The following NRXN1 variants were observed in gnomAD, a reference collection of about 807,000 sequenced individuals.
NRXN1 encodes neurexin 1, also known as neurexin-1.
Under a neutral mutation model 150.9 loss-of-function variants are expected in NRXN1, and 39 were observed. The observed-to-expected ratio is 0.26, with a 90% CI of 0.20 to 0.34. NRXN1 has a LOEUF of 0.34. Ranked by LOEUF, NRXN1 falls within the 10% of genes least tolerant of loss-of-function variation. NRXN1 has a pLI of 1.00. For missense variants in NRXN1, 1,815 were observed against 1,949.9 expected (o/e 0.93, Z 1.30); for synonymous variants, 924 against 757.0 (o/e 1.22, Z -3.62).
At chr2:50,538,796 A>G (rs1432137864) in intron 9 of NRXN1, among the ~76,000 whole-genome samples, 160 bp from the exon 10 acceptor site, 1 of 149,018 alleles carries the variant, frequency 6.7e-6, no homozygotes, top group African/African-American at 2.5e-5. Context: ...AGAAATTAAG[A>G]TATCTGTGGT....
intron 5 of NRXN1, among the ~76,000 whole-genome samples, chr2:50,901,311 G>A (rs571366266): frequency 2.4e-4 from 37 of 152,082 alleles, no homozygotes; most frequent in African/African-American, 7.5e-4. Context: ...TGAGGCGGGC[G>A]GATCACAAGG....
At chr2:50,768,792 T>G (rs759803708) in intron 5 of NRXN1, among the ~76,000 whole-genome samples, 6 of 151,774 alleles carry the variant, frequency 4.0e-5, no homozygotes, top group Non-Finnish European at 8.8e-5. Flanking sequence ...TACATATTGA[T>G]AGCTCACAAC....
chr2:50,922,604 G>C, intron 4 of NRXN1, 54 bp downstream of exon 4: 2 of 1,580,814 alleles, frequency 1.3e-6, no homozygotes, highest in Non-Finnish European at 1.7e-6. Flanking sequence ...TTTGAAAGCA[G>C]CTACAGAACA....
Position 50,121,575 on chromosome 2 carries a change from G to C in NRXN1, c.3547-30081C>G, listed in dbSNP as rs896983639. The stretch of plus-strand genomic sequence containing the variant: ...GATTTTGTTGTGTGTCTGTGTGCAG[G>C]GGAATGTTTCTGGAACCAATCCTTG... On this transcript the variant is annotated intron_variant, in intron 18 of 22. Coordinates refer to ENST00000401669, the MANE Select transcript of NRXN1 (RefSeq NM_001330078.2). 3.3e-5 allele frequency among the ~76,000 whole-genome samples: 5 copies of C among 152,100 alleles called. No homozygotes were observed. The South Asian group carries it at 8.3e-4, about 25-fold the overall frequency.
chr2:50,173,651 T>C (rs2060163381), intron 18 of NRXN1, among the ~76,000 whole-genome samples: 1 of 152,226 alleles, frequency 6.6e-6, no homozygotes, highest in Non-Finnish European at 1.5e-5. Context: ...ATTTTTATGT[T>C]AGCATATCTC....
intron 21 of NRXN1, among the ~76,000 whole-genome samples, chr2:50,006,424 C>T (rs1249345789): frequency 1.3e-5 from 2 of 152,086 alleles, no homozygotes; most frequent in African/African-American, 2.4e-5. Flanking sequence ...GCCTGCAGAC[C>T]AAGTCCAAAC....
chr2:50,064,331 C>G (rs1251157070), intron 19 of NRXN1, among the ~76,000 whole-genome samples: 1 of 151,820 alleles, frequency 6.6e-6, no homozygotes, highest in Non-Finnish European at 1.5e-5. Context: ...TCTTTTAAAT[C>G]TTATTTTTAT....
intron 18 of NRXN1, among the ~76,000 whole-genome samples, chr2:50,219,904 T>C (rs1297451624): frequency 1.2e-5 from 1 of 81,630 alleles, no homozygotes; most frequent in Admixed American, 1.5e-4. Context: ...CACACACATA[T>C]ATATATAAAA....
intron 17 of NRXN1, among the ~76,000 whole-genome samples, chr2:50,280,920 C>T (rs1434728275): frequency 2.0e-5 from 3 of 151,906 alleles, no homozygotes; most frequent in South Asian, 2.1e-4. Flanking sequence ...TTATTTTGAA[C>T]AATGTTTCAA....
chr2:49,940,478 G>T (rs1671790637), intron 22 of NRXN1, among the ~76,000 whole-genome samples: 2 of 152,094 alleles, frequency 1.3e-5, no homozygotes, highest in South Asian at 2.1e-4. Context: ...GCAGGAAAAA[G>T]AAATTTAAGA....
chr2:50,155,938 A>C (rs971754537), intron 18 of NRXN1, among the ~76,000 whole-genome samples: 1 of 151,700 alleles, frequency 6.6e-6, no homozygotes, highest in African/African-American at 2.4e-5. Context: ...AAAAAGTAGA[A>C]ATTTATTTGC....
At chr2:50,550,230 T>C (rs1226308745) in intron 9 of NRXN1, among the ~76,000 whole-genome samples, 2 of 151,966 alleles carry the variant, frequency 1.3e-5, no homozygotes, top group African/African-American at 4.8e-5. Context: ...TTGTTTTGTG[T>C]TGTTTTGTTG....
At chr2:50,584,654 C>G (rs1316114337) in intron 8 of NRXN1, among the ~76,000 whole-genome samples, 1 of 152,138 alleles carries the variant, frequency 6.6e-6, no homozygotes. Context: ...GTTTTCTCCT[C>G]ATAGTTTAAG....
At chr2:50,627,346 C>T (rs1398624171) in intron 5 of NRXN1, among the ~76,000 whole-genome samples, 1 of 129,640 alleles carries the variant, frequency 7.7e-6, no homozygotes, top group Non-Finnish European at 1.6e-5. Context: ...CAAGTGGGTT[C>T]TGGTTCATGT....
At chr2:50,768,134 G>C (rs1254887736) in intron 5 of NRXN1, among the ~76,000 whole-genome samples, 1 of 152,076 alleles carries the variant, frequency 6.6e-6, no homozygotes, top group Non-Finnish European at 1.5e-5. Context: ...TTTCCCATGA[G>C]TCTGACTGCA....
At chr2:50,261,496 CAG>C (rs1225005914) in intron 17 of NRXN1, among the ~76,000 whole-genome samples, 1 of 151,682 alleles carries the variant, frequency 6.6e-6, no homozygotes, top group Non-Finnish European at 1.5e-5. Flanking sequence ...TTGGCCAAAA[CAG>C]AGGAAATGTG....
chr2:50,688,514 G>A (rs1395332825), intron 5 of NRXN1, among the ~76,000 whole-genome samples: 1 of 152,136 alleles, frequency 6.6e-6, no homozygotes, highest in African/African-American at 2.4e-5. Context: ...GCAGGACTGG[G>A]TGGGTAGAAG....
chr2:50,914,952 T>A (rs1685009801), intron 5 of NRXN1, among the ~76,000 whole-genome samples: 1 of 151,522 alleles, frequency 6.6e-6, no homozygotes, highest in Admixed American at 6.6e-5. Flanking sequence ...TTCACCAGAT[T>A]CCTTCCTCTG....
At chr2:50,019,109 C>A in intron 21 of NRXN1, 1 of 417,672 alleles carries the variant, frequency 2.4e-6, no homozygotes, top group Non-Finnish European at 5.0e-6. Flanking sequence ...AACATTACCT[C>A]ATCTGTGCTT....
Sources: allele counts gnomAD v4.1 joint callset (sites outside exome capture counted in the v4.1 genomes callset), GRCh38; gene constraint gnomAD v4.1.1; transcripts MANE v1.5; gene names NCBI Gene and HGNC (gene_info 2026-07-23, HGNC 2026-07-21).